BCAS3: variants seen among roughly 807,000 people sequenced by gnomAD.
The protein encoded by BCAS3 is BCAS4/BCAS3 fusion.
Under a neutral mutation model 116.1 loss-of-function variants are expected in BCAS3, and 53 were observed. That is an observed-to-expected ratio of 0.46 (90% CI 0.37 to 0.57). BCAS3 has a LOEUF of 0.57. BCAS3 is among the 20% of genes least tolerant of loss of function. The pLI is 0.00. For missense variants in BCAS3, 917 were observed against 1,165.4 expected (o/e 0.79, Z 3.10); for synonymous variants, 391 against 408.2 (o/e 0.96, Z 0.51).
intron 18 of BCAS3, among the ~76,000 whole-genome samples, chr17:61,040,217 C>G (rs1252507035): frequency 6.6e-6 from 1 of 152,170 alleles, no homozygotes; most frequent in Non-Finnish European, 1.5e-5. Flanking sequence ...TTCTTTACTA[C>G]TACTTTACTA....
chr17:60,871,786 T>C (rs755738425), intron 8 of BCAS3, among the ~76,000 whole-genome samples: 2 of 152,098 alleles, frequency 1.3e-5, no homozygotes, highest in African/African-American at 4.8e-5. Context: ...CTGGATTTAA[T>C]TTTTGCAGCT....
chr17:60,779,473 G>A (rs1308740465), intron 6 of BCAS3, among the ~76,000 whole-genome samples: 3 of 151,198 alleles, frequency 2.0e-5, no homozygotes, highest in Non-Finnish European at 2.9e-5. Context: ...AGGTTCAAGC[G>A]ATTCTCCTGC....
rs564356849 is a variant in BCAS3 at position 61,144,861 on chromosome 17, G to A, written c.2425+60297G>A. Among the ~76,000 whole-genome samples the A allele has an allele frequency of 2.0e-5, 3 of 152,248 alleles. No homozygotes were observed. The highest frequency in any genetic ancestry group is 4.2e-4 in the South Asian group (2 of 4,818). On this transcript the variant is annotated intron_variant, in intron 22 of 23. Coordinates refer to ENST00000407086, the MANE Select transcript of BCAS3 (RefSeq NM_017679.5). The surrounding 1 kb of genome is among the most constrained non-coding windows in gnomAD (Gnocchi z 5.0). ...TGAAATAATGATGCTGCTAAGATTC[G>A]CAGATTAAGATCATTATAGCATTTG...
chr17:60,693,813 AAG>A (rs1030128471), intron 4 of BCAS3, among the ~76,000 whole-genome samples: 1 of 151,624 alleles, frequency 6.6e-6, no homozygotes, highest in Non-Finnish European at 1.5e-5. Context: ...TTAAGTAAAA[AAG>A]GGAATTATTT....
At chr17:61,338,898 A>G (rs2056930993) in intron 22 of BCAS3, among the ~76,000 whole-genome samples, 1 of 120,114 alleles carries the variant, frequency 8.3e-6, no homozygotes, top group African/African-American at 3.5e-5. Context: ...GAAAAAAAAA[A>G]AAAAAAAAAA....
chr17:60,897,705 C>T (rs1415666979), intron 10 of BCAS3, among the ~76,000 whole-genome samples: 3 of 151,508 alleles, frequency 2.0e-5, no homozygotes, highest in African/African-American at 4.8e-5. Flanking sequence ...TTTTATTTTA[C>T]TTATTTATTT....
chr17:61,122,585 C>T lies in BCAS3; in HGVS notation c.2425+38021C>T, dbSNP rs1360916106. On this transcript the variant is annotated intron_variant, in intron 22 of 23. Transcript: ENST00000407086. The surrounding 1 kb of genome is among the most constrained non-coding windows in gnomAD (Gnocchi z 4.6). ...AGTACTCAGGAATGTGATGTGGATT[C>T]GAGATGATCTCCACAGGATTTTGGC... 6.6e-6 allele frequency among the ~76,000 whole-genome samples: 1 copy of T among 152,098 alleles called. No homozygotes were observed. The highest frequency in any genetic ancestry group is 1.5e-5 in the Non-Finnish European group (1 of 68,008).
At chr17:60,981,941 T>G (rs747350976) in intron 14 of BCAS3, among the ~76,000 whole-genome samples, 1 of 152,228 alleles carries the variant, frequency 6.6e-6, no homozygotes, top group African/African-American at 2.4e-5. Flanking sequence ...CATAATCTTC[T>G]ATAATATTAA....
At position 60,986,437 on chromosome 17, in the gene BCAS3, T is replaced by C. The variant is rs572648869; in HGVS notation, c.1222-3534T>C. Among the ~76,000 whole-genome samples, 171 of 152,356 alleles carry C rather than the reference T, an allele frequency of 1.1e-3. 1 individual carries two copies. Among genetic ancestry groups the C allele is most frequent in the African/African-American group, 4.0e-3 (166 of 41,584 alleles). On this transcript the variant is annotated intron_variant, in intron 14 of 23. Coordinates refer to ENST00000407086, the MANE Select transcript of BCAS3 (RefSeq NM_017679.5). ...TCCAAATTGTTCTCCATAGTGGTTG[T>C]ATTAATTTACATTCCCACCAATAGT... is the stretch of plus-strand genomic sequence containing the variant.
rs929172420 is a variant in BCAS3 at position 61,126,977 on chromosome 17, C to T, written c.2425+42413C>T. Among the ~76,000 whole-genome samples the T allele has an allele frequency of 2.6e-5, 4 of 151,972 alleles. No homozygotes were observed. Among genetic ancestry groups the T allele is most frequent in the East Asian group, 1.9e-4 (1 of 5,188 alleles). On this transcript the variant is annotated intron_variant, in intron 22 of 23. Transcript: ENST00000407086. The surrounding 1 kb of genome is among the most constrained non-coding windows in gnomAD (Gnocchi z 4.6). ...AGAACGCCCAAGGTTATACACCCTT[C>T]GTCACAGGCACTTAAGTTTTAGATT...
chr17:61,147,692 A>G (rs1196359734), intron 22 of BCAS3, among the ~76,000 whole-genome samples: 1 of 151,192 alleles, frequency 6.6e-6, no homozygotes, highest in Non-Finnish European at 1.5e-5. Context: ...TACCTTAGAA[A>G]TGTATAAGTT....
At chr17:60,825,857 G>GGTT (rs1555739123) in intron 7 of BCAS3, among the ~76,000 whole-genome samples, 8 of 130,060 alleles carry the variant, frequency 6.2e-5, no homozygotes, top group African/African-American at 2.4e-4. Flanking sequence ...TGGGGATTCA[G>GGTT]TTTTTTTTTT....
In BCAS3 at chr17:60,695,401, C is replaced by T. The variant is rs529711970; in HGVS notation, c.214+5640C>T. Among the ~76,000 whole-genome samples, 31 of 152,226 alleles carry T rather than the reference C, an allele frequency of 2.0e-4. 1 individual carries two copies. The highest frequency in any genetic ancestry group is 2.9e-5 in the Non-Finnish European group (2 of 68,006). The stretch of plus-strand genomic sequence containing the variant: ...TGTTGGGATTGCAGGTGTGAGCCAC[C>T]GCGCCCAGCCCTGTACCACATTTTA... On this transcript the variant is annotated intron_variant, in intron 4 of 23. Coordinates refer to ENST00000407086, the MANE Select transcript of BCAS3 (RefSeq NM_017679.5).
intron 11 of BCAS3, among the ~76,000 whole-genome samples, chr17:60,903,754 A>G (rs1165429287): frequency 1.3e-5 from 2 of 152,192 alleles, no homozygotes; most frequent in Non-Finnish European, 2.9e-5. Context: ...CTTAATAAAG[A>G]TTGCTTACTT....
intron 7 of BCAS3, among the ~76,000 whole-genome samples, chr17:60,832,779 C>T (rs1279592893): frequency 6.6e-6 from 1 of 151,994 alleles, no homozygotes; most frequent in Non-Finnish European, 1.5e-5. Context: ...ATTGCTTAAT[C>T]CTGGAAAAAG....
rs116945111 is a variant in BCAS3 at position 61,286,949 on chromosome 17, C to T, written c.2426-81378C>T. Reference sequence around the variant, plus strand: ...CTAGAAAGATGCCATGGTCTTTACACCTAAAGAGCTCTATGGAGGCCAGGC... The same window carrying T: ...CTAGAAAGATGCCATGGTCTTTACATCTAAAGAGCTCTATGGAGGCCAGGC... On this transcript the variant is annotated intron_variant, in intron 22 of 23. Transcript: ENST00000407086. The surrounding 1 kb of genome is among the most constrained non-coding windows in gnomAD (Gnocchi z 4.8). 3.9e-4 allele frequency among the ~76,000 whole-genome samples: 60 copies of T among 152,220 alleles called. No individual in the cohort carries two copies. Among genetic ancestry groups the T allele is most frequent in the Non-Finnish European group, 6.9e-4 (47 of 68,020 alleles).
chr17:61,288,005 A>G (rs1284654479), intron 22 of BCAS3, among the ~76,000 whole-genome samples: 3 of 152,212 alleles, frequency 2.0e-5, no homozygotes, highest in African/African-American at 7.2e-5. Flanking sequence ...TGGTTCTGAT[A>G]TCTTTACAAC....
At position 60,919,259 on chromosome 17, in the gene BCAS3, T is replaced by C. The variant is rs572777356; in HGVS notation, c.994-5148T>C. ...AGATTGTGTTTCTTTGGAGGTGTCA[T>C]ATTTCCTTGCTTTTTCATATTTCTT... is the stretch of plus-strand genomic sequence containing the variant. On this transcript the variant is annotated intron_variant, in intron 12 of 23. Coordinates refer to ENST00000407086, the MANE Select transcript of BCAS3 (RefSeq NM_017679.5). Among the ~76,000 whole-genome samples the C allele has an allele frequency of 4.6e-5, 7 of 152,314 alleles. No homozygotes were observed. The South Asian group carries it at 1.4e-3, about 32-fold the overall frequency.
intron 19 of BCAS3, 26 bp from the exon 20 acceptor site, chr17:61,074,894 T>G (rs776653118): frequency 1.3e-6 from 2 of 1,542,316 alleles, no homozygotes; most frequent in Non-Finnish European, 1.8e-6. Flanking sequence ...ATGAAGTGGT[T>G]TAAATCTATT....
Sources: allele counts gnomAD v4.1 joint callset (sites outside exome capture counted in the v4.1 genomes callset), GRCh38; gene constraint gnomAD v4.1.1; non-coding constraint Gnocchi (gnomAD v3.1); transcripts MANE v1.5; gene names NCBI Gene and HGNC (gene_info 2026-07-23, HGNC 2026-07-21).